PLPPR4: variants seen among roughly 807,000 people sequenced by gnomAD.
PLPPR4 encodes phospholipid phosphatase-related protein type 4.
In PLPPR4, 24 loss-of-function variants were observed where a neutral mutation model predicts 56.6. The ratio of observed to expected loss-of-function variants is 0.42; its 90% confidence interval spans 0.31 to 0.60. PLPPR4 has a LOEUF of 0.60. Ranked by LOEUF, PLPPR4 falls within the 20% of genes least tolerant of loss-of-function variation. The pLI, the probability that PLPPR4 is intolerant of heterozygous loss-of-function variation, is 0.13. For missense variants in PLPPR4, 654 were observed against 885.8 expected (o/e 0.74, Z 3.32); for synonymous variants, 326 against 328.1 (o/e 0.99, Z 0.07).
At chr1:99,298,848 T>C (rs41285708) in intron 3 of PLPPR4, 187 bp from the exon 4 acceptor site, 32,264 of 665,504 alleles carry the variant, frequency 0.048, 938 homozygotes, top group Middle Eastern at 0.073. Flanking sequence ...GAGATACTCA[T>C]TGCCTTTATT....
chr1:99,290,317 T>C (rs1185105200), intron 2 of PLPPR4, among the ~76,000 whole-genome samples: 1 of 152,078 alleles, frequency 6.6e-6, no homozygotes, highest in Admixed American at 6.6e-5. Flanking sequence ...GGAAAAATAT[T>C]CCATACTCAT....
At chr1:99,275,870 T>C (rs17120172) in intron 1 of PLPPR4, among the ~76,000 whole-genome samples, 3,963 of 152,126 alleles carry the variant, frequency 0.026, 169 homozygotes, top group African/African-American at 0.087. Context: ...TTCACCTTCC[T>C]AAGATTCCAG....
At chr1:99,304,154 G>T (rs2100811712) in intron 6 of PLPPR4, among the ~76,000 whole-genome samples, 1 of 152,260 alleles carries the variant, frequency 6.6e-6, no homozygotes, top group African/African-American at 2.4e-5. Flanking sequence ...GGTCAACCAT[G>T]GACCCCATAT....
chr1:99,307,910 T>C lies in PLPPR4; in HGVS notation c.*900T>C, dbSNP rs557498100. On this transcript the variant is annotated 3_prime_UTR_variant, in exon 7 of 7. Transcript: ENST00000370185. ...CTTCTCCTTAACTTATTGATTAATTTTTTGAAGTTATAGATATGTTCTCCT... is the reference window on the plus strand; with the variant it reads ...CTTCTCCTTAACTTATTGATTAATTCTTTGAAGTTATAGATATGTTCTCCT... The C allele has an allele frequency of 9.8e-5, 15 of 152,342 alleles. No homozygotes were observed. Among genetic ancestry groups the C allele is most frequent in the African/African-American group, 3.6e-4 (15 of 41,594 alleles). 9.4% of individuals were successfully genotyped at this position (152,342 alleles called of 1,614,324 possible). A position where few individuals can be genotyped will look rare whatever the true frequency, so the allele number is the denominator to read the frequency against.
At chr1:99,275,775 G>A (rs909463139) in intron 1 of PLPPR4, among the ~76,000 whole-genome samples, 4 of 152,078 alleles carry the variant, frequency 2.6e-5, no homozygotes, top group Admixed American at 2.0e-4. Context: ...TACTTTATGG[G>A]ACTACAAAAA....
intron 2 of PLPPR4, among the ~76,000 whole-genome samples, chr1:99,289,269 G>C (rs1052995026): frequency 2.8e-4 from 42 of 152,086 alleles, no homozygotes; most frequent in African/African-American, 9.2e-4. Context: ...TTCAGGTTCA[G>C]TACAGCAGAG....
At chr1:99,298,826 G>C in intron 3 of PLPPR4, 1 of 644,672 alleles carries the variant, frequency 1.6e-6, no homozygotes, top group Middle Eastern at 4.1e-4. Flanking sequence ...AGTGCCTAAA[G>C]TTACTACTTT....
intron 2 of PLPPR4, among the ~76,000 whole-genome samples, chr1:99,289,007 T>A (rs1490998483): frequency 2.6e-5 from 4 of 152,170 alleles, no homozygotes; most frequent in African/African-American, 9.6e-5. Flanking sequence ...TTTTAATGTG[T>A]TAATATACAT....
In PLPPR4 at chr1:99,299,102, T is replaced by G; in HGVS notation, c.462T>G (p.Tyr154Ter). 1 of 1,613,556 alleles carries G rather than the reference T, an allele frequency of 6.2e-7. No individual in the cohort carries two copies. Among genetic ancestry groups the G allele is most frequent in the Non-Finnish European group, 8.5e-7 (1 of 1,179,704 alleles). ...ATATCATACAGCTGTCCACAGGATA[T>G]CAAGCACCTTACTTTCTGACTGTGT... is the stretch of plus-strand genomic sequence containing the variant. The part of the protein sequence containing the change: ...ITDIIQLSTG[Y>*]QAPYFLTVCK... The change falls in exon 4 of 7, where the codon TAT (tyrosine) becomes TAG (stop). Residue 154 changes from tyrosine to a stop codon, truncating the protein, a stop_gained. Coordinates refer to ENST00000370185, the MANE Select transcript of PLPPR4 (RefSeq NM_014839.5). LOFTEE classifies it high-confidence loss of function.
intron 1 of PLPPR4, among the ~76,000 whole-genome samples, chr1:99,267,102 C>T (rs2100780833): frequency 6.6e-6 from 1 of 152,284 alleles, no homozygotes; most frequent in East Asian, 1.9e-4. Context: ...GTTACTCAAA[C>T]CATAATTTAA....
chr1:99,284,811 T>C (rs1295696240), intron 1 of PLPPR4, among the ~76,000 whole-genome samples: 5 of 152,164 alleles, frequency 3.3e-5, no homozygotes, highest in South Asian at 2.1e-4. Flanking sequence ...TAGAGATACA[T>C]GCGTATATAT....
intron 1 of PLPPR4, among the ~76,000 whole-genome samples, chr1:99,283,881 G>A (rs1477526799): frequency 6.6e-6 from 1 of 152,184 alleles, no homozygotes; most frequent in African/African-American, 2.4e-5. Flanking sequence ...GAACTCGGGA[G>A]GTGGAGGTTG....
intron 2 of PLPPR4, among the ~76,000 whole-genome samples, chr1:99,289,322 T>G (rs1461093840): frequency 4.6e-5 from 7 of 152,130 alleles, no homozygotes; most frequent in Non-Finnish European, 7.4e-5. Context: ...CTCTATATTT[T>G]TATGTAGCTA....
At chr1:99,274,016 G>C (rs1319922821) in intron 1 of PLPPR4, among the ~76,000 whole-genome samples, 2 of 151,946 alleles carry the variant, frequency 1.3e-5, no homozygotes, top group Non-Finnish European at 2.9e-5. Flanking sequence ...TGGATTGTTT[G>C]AGATTTGAAA....
chr1:99,272,220 C>T (rs1342850479), intron 1 of PLPPR4, among the ~76,000 whole-genome samples: 1 of 151,880 alleles, frequency 6.6e-6, no homozygotes, highest in Non-Finnish European at 1.5e-5. Flanking sequence ...TTATGCGATC[C>T]AAGAACATAT....
chr1:99,264,351 CGG>C, upstream of PLPPR4: 1 of 1,034,558 alleles, frequency 9.7e-7, no homozygotes, highest in Non-Finnish European at 1.3e-6. Context: ...GCCAGAAAAA[CGG>C]GGAGCAGGAG....
chr1:99,289,963 T>G (rs749094507), intron 2 of PLPPR4, among the ~76,000 whole-genome samples: 1 of 151,900 alleles, frequency 6.6e-6, no homozygotes, highest in Non-Finnish European at 1.5e-5. Context: ...GAAAAAGAAA[T>G]AAAGTGGATT....
intron 1 of PLPPR4, among the ~76,000 whole-genome samples, chr1:99,283,825 T>TGTG (rs1659396614): frequency 6.6e-6 from 1 of 151,922 alleles, no homozygotes; most frequent in Non-Finnish European, 1.5e-5. Context: ...GGTGGCACGC[T>TGTG]CCTGTAGTCC....
At chr1:99,300,220 T>G (rs1052683563) in intron 4 of PLPPR4, among the ~76,000 whole-genome samples, 1 of 151,988 alleles carries the variant, frequency 6.6e-6, no homozygotes, top group African/African-American at 2.4e-5. Flanking sequence ...TGAATTTTAT[T>G]TTTTCTAATT....
Sources: gnomAD v4.1 joint callset for allele counts (sites outside exome capture counted in the v4.1 genomes callset) on GRCh38, gnomAD v4.1.1 for gene constraint, MANE v1.5 for transcripts, NCBI Gene and HGNC (gene_info 2026-07-23, HGNC 2026-07-21) for gene names.